The following CHCHD6 variants were observed in gnomAD, a reference collection of about 807,000 sequenced individuals.
CHCHD6 encodes MICOS complex subunit MIC25.
In CHCHD6, 28 loss-of-function variants were observed where a neutral mutation model predicts 32.3. The observed-to-expected ratio is 0.87, with a 90% confidence interval of 0.64 to 1.19. CHCHD6 has a LOEUF of 1.19. CHCHD6 is among the 50% of genes most tolerant of loss of function. The pLI, the probability that CHCHD6 is intolerant of heterozygous loss-of-function variation, is 0.00. For synonymous variants in CHCHD6, 122 were observed against 117.5 expected (o/e 1.04, Z -0.25); for missense variants, 333 against 307.0 (o/e 1.08, Z -0.63).
chr3:126,785,770 A>G (rs1419862886), intron 4 of CHCHD6, among the ~76,000 whole-genome samples: 1 of 152,042 alleles, frequency 6.6e-6, no homozygotes, highest in Non-Finnish European at 1.5e-5. Context: ...TAAATGTCCC[A>G]ATTTTTCCTC....
chr3:126,887,400 G>T (rs1559904115), intron 5 of CHCHD6, among the ~76,000 whole-genome samples: 1 of 152,098 alleles, frequency 6.6e-6, no homozygotes. Flanking sequence ...AGGATGTCTT[G>T]GCTTCTTAGA....
chr3:126,875,129 C>A (rs1485591020), intron 5 of CHCHD6, among the ~76,000 whole-genome samples: 1 of 152,218 alleles, frequency 6.6e-6, no homozygotes, highest in East Asian at 1.9e-4. Flanking sequence ...GTTGGCTGCA[C>A]CATCGTGAGA....
intron 6 of CHCHD6, among the ~76,000 whole-genome samples, chr3:126,930,780 C>A (rs1334009576): frequency 6.6e-6 from 1 of 152,198 alleles, no homozygotes; most frequent in Non-Finnish European, 1.5e-5. Flanking sequence ...TCTTTGAACT[C>A]CGAAGCTCTT....
At chr3:126,943,377 TG>T (rs2078590494) in intron 6 of CHCHD6, among the ~76,000 whole-genome samples, 1 of 152,218 alleles carries the variant, frequency 6.6e-6, no homozygotes, top group South Asian at 2.1e-4. Context: ...TGCATGGCTG[TG>T]GGATGTGTCC....
rs150891843 is a variant in CHCHD6 at position 126,842,228 on chromosome 3, C to A, written c.412-10419C>A. 2.2e-3 allele frequency among the ~76,000 whole-genome samples: 336 copies of A among 152,310 alleles called. 1 individual carries two copies. The highest frequency in any genetic ancestry group is 7.8e-3 in the African/African-American group (324 of 41,576). On this transcript the variant is annotated intron_variant, in intron 4 of 7. Coordinates refer to ENST00000290913, the MANE Select transcript of CHCHD6 (RefSeq NM_032343.3). ...ACATTTCTTGGAGTACAGAGTGAGA[C>A]TCTGTCTTTTTTTTAAAAAAAAGAA... is the stretch of plus-strand genomic sequence containing the variant.
intron 4 of CHCHD6, among the ~76,000 whole-genome samples, chr3:126,828,631 G>A (rs2107540417): frequency 6.6e-6 from 1 of 152,282 alleles, no homozygotes; most frequent in East Asian, 1.9e-4. Flanking sequence ...TGCCCTCAAG[G>A]GAGTCCATGT....
At chr3:126,900,422 TAAAG>T (rs1308495649) in intron 5 of CHCHD6, among the ~76,000 whole-genome samples, 1 of 152,228 alleles carries the variant, frequency 6.6e-6, no homozygotes, top group Non-Finnish European at 1.5e-5. Context: ...GGGTAATTAA[TAAAG>T]AAAAGAGGTT....
At chr3:126,802,475 T>C (rs1161755806) in intron 4 of CHCHD6, among the ~76,000 whole-genome samples, 2 of 151,974 alleles carry the variant, frequency 1.3e-5, no homozygotes, top group Admixed American at 1.3e-4. Flanking sequence ...TGATGGAAGA[T>C]GAAATGAATG....
At chr3:126,780,543 A>G (rs896959392) in intron 4 of CHCHD6, 1 of 196,582 alleles carries the variant, frequency 5.1e-6, no homozygotes, top group Admixed American at 6.2e-5. Flanking sequence ...CTTTTATTAC[A>G]CAGATGGCCC....
chr3:126,763,046 G>A (rs1229511076), intron 4 of CHCHD6, among the ~76,000 whole-genome samples: 1 of 152,056 alleles, frequency 6.6e-6, no homozygotes, highest in Non-Finnish European at 1.5e-5. Flanking sequence ...GAGAAGGAAG[G>A]ACTTTTGCCA....
intron 6 of CHCHD6, among the ~76,000 whole-genome samples, chr3:126,948,864 G>A (rs1296815858): frequency 3.3e-5 from 5 of 152,232 alleles, no homozygotes; most frequent in Non-Finnish European, 4.4e-5. Context: ...GAGTTTGGAA[G>A]CCCAGCTTTA....
At chr3:126,854,772 C>T (rs2107553511) in intron 5 of CHCHD6, 1 of 152,590 alleles carries the variant, frequency 6.6e-6, no homozygotes, top group Admixed American at 6.5e-5. Context: ...CTGCATCATC[C>T]TTGACCACCC....
chr3:126,843,742 G>T (rs1365063921), intron 4 of CHCHD6, among the ~76,000 whole-genome samples: 1 of 152,114 alleles, frequency 6.6e-6, no homozygotes, highest in Admixed American at 6.5e-5. Context: ...TCAATTACAT[G>T]TATGCTAGAC....
At position 126,775,279 on chromosome 3, in the gene CHCHD6, G is replaced by A. The variant is rs546269633; in HGVS notation, c.411+42057G>A. ...GAGTCCTAGCATCCTTTTCCATCTTGTTGATCTGACAGACAGAAATGTGTG... is the reference window on the plus strand; with the variant it reads ...GAGTCCTAGCATCCTTTTCCATCTTATTGATCTGACAGACAGAAATGTGTG... On this transcript the variant is annotated intron_variant, in intron 4 of 7. Transcript: ENST00000290913. Among the ~76,000 whole-genome samples, 16 of 152,276 alleles carry A rather than the reference G, an allele frequency of 1.1e-4. No individual in the cohort carries two copies. The East Asian group carries it at 3.1e-3, about 29-fold the overall frequency.
At chr3:126,889,716 T>C (rs1212698689) in intron 5 of CHCHD6, among the ~76,000 whole-genome samples, 11 of 152,242 alleles carry the variant, frequency 7.2e-5, no homozygotes, top group Admixed American at 7.2e-4. Flanking sequence ...TCTTTCCCTC[T>C]GCCTTTTTAT....
At chr3:126,921,967 G>A (rs887298565) in intron 6 of CHCHD6, among the ~76,000 whole-genome samples, 11 of 152,236 alleles carry the variant, frequency 7.2e-5, no homozygotes, top group African/African-American at 2.2e-4. Flanking sequence ...GATAACATTC[G>A]TCTTAGCCTG....
intron 4 of CHCHD6, chr3:126,766,386 G>T: frequency 1.9e-6 from 1 of 518,910 alleles, no homozygotes; most frequent in South Asian, 1.9e-5. Context: ...GCACATGGAA[G>T]TGACAGCTGC....
At chr3:126,855,531 A>C (rs950694949) in intron 5 of CHCHD6, among the ~76,000 whole-genome samples, 1 of 152,204 alleles carries the variant, frequency 6.6e-6, no homozygotes, top group Non-Finnish European at 1.5e-5. Flanking sequence ...GCATGTGTGC[A>C]TGCACACATA....
chr3:126,879,286 G>C (rs1009212063), intron 5 of CHCHD6, among the ~76,000 whole-genome samples: 1 of 152,206 alleles, frequency 6.6e-6, no homozygotes, highest in African/African-American at 2.4e-5. Context: ...TGTCCCATTA[G>C]AGTTAGGACA....
Sources: allele counts gnomAD v4.1 joint callset (sites outside exome capture counted in the v4.1 genomes callset), GRCh38; gene constraint gnomAD v4.1.1; transcripts MANE v1.5; gene names NCBI Gene and HGNC (gene_info 2026-07-23, HGNC 2026-07-21).